The following PPA2 variants were observed in gnomAD, a reference collection of about 807,000 sequenced individuals.
PPA2 encodes inorganic pyrophosphatase 2.
In PPA2, 48 loss-of-function variants were observed where a neutral mutation model predicts 49.5. The observed-to-expected ratio is 0.97, with a 90% CI of 0.77 to 1.23. The LOEUF is 1.23. PPA2 is among the 50% of genes most tolerant of loss of function. PPA2 has a pLI of 0.00. For missense variants in PPA2, 429 were observed against 410.1 expected (o/e 1.05, Z -0.40); for synonymous variants, 131 against 139.9 (o/e 0.94, Z 0.45).
rs1732921259 is a variant in PPA2, at chr4:105,369,212, T to C, written c.*513A>G. The C allele has an allele frequency of 6.6e-6, 1 of 150,860 alleles. No homozygotes were observed. Among genetic ancestry groups the C allele is most frequent in the African/African-American group, 2.5e-5 (1 of 40,654 alleles). 9.3% of individuals were successfully genotyped at this position (150,860 alleles called of 1,614,324 possible). A position where few individuals can be genotyped will look rare whatever the true frequency, so the allele number is the denominator to read the frequency against. ...ACTCAATGCCTCTAAATTTGTGCTA[T>C]GAAATGAAACAAAATCTTTTTTTTT... is the stretch of plus-strand genomic sequence containing the variant. On this transcript the variant is annotated 3_prime_UTR_variant, in exon 12 of 12. Coordinates refer to ENST00000341695, the MANE Select transcript of PPA2 (RefSeq NM_176869.3).
chr4:105,421,307 C>A (rs1471736331), intron 7 of PPA2, among the ~76,000 whole-genome samples: 1 of 152,088 alleles, frequency 6.6e-6, no homozygotes, highest in Non-Finnish European at 1.5e-5. Context: ...CAGAAGGAAG[C>A]AACCATTCAA....
intron 10 of PPA2, among the ~76,000 whole-genome samples, chr4:105,383,024 T>C (rs1466495207): frequency 6.6e-6 from 1 of 151,976 alleles, no homozygotes; most frequent in African/African-American, 2.4e-5. Context: ...TAATAATAAT[T>C]GAGTGGTCCT....
Position 105,425,274 on chromosome 4 carries a change from T to TA in PPA2, c.529-953dup, listed in dbSNP as rs151198310. Among the ~76,000 whole-genome samples, 97 of 152,224 alleles carry TA rather than the reference T, an allele frequency of 6.4e-4. No individual in the cohort carries two copies. In the East Asian group the frequency reaches 0.014, roughly 21 times the overall value. On this transcript the variant is annotated intron_variant, in intron 6 of 11. Transcript: ENST00000341695. ...TCAACAGAAACATTTCCAGAAATGT[T>TA]AGATGATGGAATTAACAGATAGGAA...
chr4:105,459,608 T>C (rs1045720925), intron 1 of PPA2, among the ~76,000 whole-genome samples: 1 of 152,234 alleles, frequency 6.6e-6, no homozygotes, highest in Non-Finnish European at 1.5e-5. Context: ...AAAATCTCTA[T>C]ATGTTTACAG....
chr4:105,425,903 GA>G (rs1181134937), intron 6 of PPA2, among the ~76,000 whole-genome samples: 1 of 152,126 alleles, frequency 6.6e-6, no homozygotes, highest in African/African-American at 2.4e-5. Flanking sequence ...ACGATGATAA[GA>G]ATGACAGCTG....
chr4:105,433,557 T>C (rs919145568), intron 6 of PPA2, among the ~76,000 whole-genome samples: 2 of 152,242 alleles, frequency 1.3e-5, no homozygotes, highest in African/African-American at 2.4e-5. Context: ...TCAGCTGCTC[T>C]TTGTGCATGC....
At position 105,446,444 on chromosome 4, in the gene PPA2, C is replaced by T. The variant is rs139076647; in HGVS notation, c.380G>A (p.Arg127His). The T allele has an allele frequency of 1.2e-5, 20 of 1,605,512 alleles. No individual in the cohort carries two copies. The highest frequency in any genetic ancestry group is 4.5e-5 in the East Asian group (2 of 44,284). The change falls in exon 5 of 12, where the codon CGC becomes CAC. Residue 127 changes from arginine (R) to histidine (H), a missense_variant. Coordinates refer to ENST00000341695, the MANE Select transcript of PPA2 (RefSeq NM_176869.3). ...GTAAGGGAAGATATTCGCCACATAG[C>T]GTAGCTTTCCATCCTTTACATATTG... ...IKQYVKDGKLRYVANIFPYKG... is the reference protein window; with the variant it reads ...IKQYVKDGKLHYVANIFPYKG...
At chr4:105,390,913 T>G (rs1409742357) in intron 9 of PPA2, among the ~76,000 whole-genome samples, 1 of 152,108 alleles carries the variant, frequency 6.6e-6, no homozygotes, top group African/African-American at 2.4e-5. Flanking sequence ...CTATTCACAA[T>G]AGCAAAGACA....
At chr4:105,391,214 C>T (rs186752268) in intron 9 of PPA2, among the ~76,000 whole-genome samples, 5 of 151,726 alleles carry the variant, frequency 3.3e-5, no homozygotes, top group African/African-American at 1.2e-4. Context: ...ATTATTAGGA[C>T]AAATGGCTGA....
At chr4:105,464,912 C>T (rs1201722936) in intron 1 of PPA2, among the ~76,000 whole-genome samples, 3 of 152,162 alleles carry the variant, frequency 2.0e-5, no homozygotes, top group African/African-American at 7.2e-5. Context: ...ACATCAATAA[C>T]CTGACTTTTA....
chr4:105,413,084 A>G (rs191770353), intron 7 of PPA2, among the ~76,000 whole-genome samples: 4 of 152,366 alleles, frequency 2.6e-5, no homozygotes, highest in Non-Finnish European at 5.9e-5. Flanking sequence ...ACTAACCCAA[A>G]TGTCCATCAA....
intron 5 of PPA2, among the ~76,000 whole-genome samples, chr4:105,441,501 T>C (rs1349194955): frequency 3.3e-5 from 5 of 152,146 alleles, no homozygotes; most frequent in Non-Finnish European, 5.9e-5. Flanking sequence ...CAACTTCTTT[T>C]ATAACAATCT....
chr4:105,369,946 C>A (rs1578785749), intron 11 of PPA2, among the ~76,000 whole-genome samples, 193 bp from the exon 12 acceptor site: 1 of 152,340 alleles, frequency 6.6e-6, no homozygotes, highest in Non-Finnish European at 1.5e-5. Context: ...TCTCATTTGG[C>A]CCAAGCCTTA....
chr4:105,440,528 T>A (rs145845154), intron 5 of PPA2, among the ~76,000 whole-genome samples: 2 of 152,288 alleles, frequency 1.3e-5, no homozygotes, highest in African/African-American at 2.4e-5. Flanking sequence ...CCGACAGTGC[T>A]GGGATTACAA....
intron 9 of PPA2, among the ~76,000 whole-genome samples, chr4:105,394,260 G>A (rs772290010): frequency 1.3e-5 from 2 of 151,668 alleles, no homozygotes; most frequent in Admixed American, 1.3e-4. Flanking sequence ...CCAGCTACTT[G>A]AGAGGCTGAG....
At chr4:105,377,081 C>T (rs560408599) in intron 10 of PPA2, among the ~76,000 whole-genome samples, 198 of 152,280 alleles carry the variant, frequency 1.3e-3, no homozygotes, top group African/African-American at 4.7e-3. Flanking sequence ...ACTTGTTCCA[C>T]CTCTTCTTCC....
chr4:105,413,408 T>A (rs1346576573), intron 7 of PPA2, among the ~76,000 whole-genome samples: 2 of 152,100 alleles, frequency 1.3e-5, no homozygotes, highest in East Asian at 3.9e-4. Context: ...GCATGGCACA[T>A]GTATACCTAT....
chr4:105,456,845 G>C lies in PPA2; in HGVS notation c.158-100C>G, dbSNP rs73836216. Reference sequence around the variant, plus strand: ...CATCCTTATCCACTTTTAAACTTACGCATTTTTTACAAAGCTAACTTTAAC... The same window carrying C: ...CATCCTTATCCACTTTTAAACTTACCCATTTTTTACAAAGCTAACTTTAAC... On this transcript the variant is annotated intron_variant, in intron 1 of 11. Transcript: ENST00000341695. 0.045 allele frequency: 41,440 copies of C among 922,400 alleles called. 2,563 individuals are homozygous for C. Among genetic ancestry groups the C allele is most frequent in the African/African-American group, 0.26 (14,986 of 57,588 alleles). The allele number at this position is 922,400 out of a possible 1,614,324, so 57.1% of individuals were successfully genotyped here.
chr4:105,402,844 A>G (rs1192088644), intron 7 of PPA2, among the ~76,000 whole-genome samples: 2 of 152,160 alleles, frequency 1.3e-5, no homozygotes, highest in Non-Finnish European at 1.5e-5. Flanking sequence ...GGAGGTAGTG[A>G]TAAATGGTAA....
Sources: allele counts gnomAD v4.1 joint callset (sites outside exome capture counted in the v4.1 genomes callset), GRCh38; gene constraint gnomAD v4.1.1; transcripts MANE v1.5; gene names NCBI Gene and HGNC (gene_info 2026-07-23, HGNC 2026-07-21).